The following DLGAP2 variants were observed in gnomAD, a reference collection of about 807,000 sequenced individuals.
DLGAP2 encodes the protein DLG associated protein 2.
Under a neutral mutation model 100.3 loss-of-function variants are expected in DLGAP2, and 26 were observed. The observed-to-expected ratio is 0.26, with a 90% CI of 0.19 to 0.36. The LOEUF is 0.36. Among genes scored for constraint, DLGAP2 ranks in the 10% least tolerant of loss-of-function variants. The pLI is 1.00. For missense variants in DLGAP2, 1,858 were observed against 1,453.2 expected, an observed-to-expected ratio of 1.28 and a Z score of -4.53; for synonymous variants, 886 against 630.1, an observed-to-expected ratio of 1.41 and a Z score of -6.08.
At position 1,340,001 on chromosome 8, in the gene DLGAP2, G is replaced by C. The variant is rs751816483; in HGVS notation, c.106+81118G>C. Among the ~76,000 whole-genome samples, 20 of 152,150 alleles carry C rather than the reference G, an allele frequency of 1.3e-4. 1 individual carries two copies. The highest frequency in any genetic ancestry group is 4.2e-4 in the South Asian group (2 of 4,818). ...ATTCAAATACCTTATGTTTAGAAAG[G>C]GTTCCTTATTCAATCCATGGTACTG... is the stretch of plus-strand genomic sequence containing the variant. On this transcript the variant is annotated intron_variant, in intron 3 of 14. Transcript: ENST00000637795.
intron 1 of DLGAP2, among the ~76,000 whole-genome samples, chr8:793,659 A>G (rs1795966412): frequency 1.3e-5 from 2 of 152,196 alleles, no homozygotes; most frequent in South Asian, 4.1e-4. Context: ...GAATTTGTCT[A>G]ATCTTTGCAT....
chr8:1,653,404 C>T (rs894665159), intron 8 of DLGAP2, among the ~76,000 whole-genome samples: 1 of 152,202 alleles, frequency 6.6e-6, no homozygotes, highest in African/African-American at 2.4e-5. Flanking sequence ...GCCCGGGTAT[C>T]CCGTGGCCAT....
chr8:1,573,665 G>C (rs1178017801), intron 6 of DLGAP2, among the ~76,000 whole-genome samples: 1 of 152,136 alleles, frequency 6.6e-6, no homozygotes, highest in Non-Finnish European at 1.5e-5. Flanking sequence ...ACTAACACCA[G>C]AGAATGGAGC....
intron 13 of DLGAP2, among the ~76,000 whole-genome samples, chr8:1,696,873 G>C (rs1364248174): frequency 6.6e-6 from 1 of 152,216 alleles, no homozygotes; most frequent in Admixed American, 6.5e-5. Context: ...GAGCTGTGAA[G>C]CATTTAGAAA....
chr8:1,550,290 A>G (rs1056946757), intron 5 of DLGAP2, among the ~76,000 whole-genome samples: 1 of 152,124 alleles, frequency 6.6e-6, no homozygotes, highest in Non-Finnish European at 1.5e-5. Context: ...ACGGCACGCT[A>G]TGGCTTTGTG....
At chr8:1,289,722 G>C (rs1228673286) in intron 3 of DLGAP2, among the ~76,000 whole-genome samples, 1 of 152,148 alleles carries the variant, frequency 6.6e-6, no homozygotes, top group Non-Finnish European at 1.5e-5. Flanking sequence ...CTAATGTTGT[G>C]AGACTGTGCA....
At position 881,395 on chromosome 8, in the gene DLGAP2, G is replaced by A. The variant is rs1797788239; in HGVS notation, c.19-26517G>A. Among the ~76,000 whole-genome samples the A allele has an allele frequency of 2.6e-5, 4 of 151,168 alleles. 1 individual carries two copies. The highest frequency in any genetic ancestry group is 2.6e-4 in the Admixed American group (4 of 15,160). ...AGATTCTTATTTCTCAGATTGTTCTGTTTTGGAAACAAAATTACAATGAGA... is the reference window on the plus strand; with the variant it reads ...AGATTCTTATTTCTCAGATTGTTCTATTTTGGAAACAAAATTACAATGAGA... On this transcript the variant is annotated intron_variant, in intron 1 of 14. Coordinates refer to ENST00000637795, the MANE Select transcript of DLGAP2 (RefSeq NM_001346810.2).
At chr8:1,097,749 G>C (rs1453646560) in intron 2 of DLGAP2, among the ~76,000 whole-genome samples, 1 of 135,988 alleles carries the variant, frequency 7.4e-6, no homozygotes, top group Non-Finnish European at 1.6e-5. Flanking sequence ...TGGGAGCCTA[G>C]GGCAGGCCTT....
Position 1,141,419 on chromosome 8 carries a change from G to A in DLGAP2, c.74-117432G>A, listed in dbSNP as rs1033630569. Among the ~76,000 whole-genome samples, 48 of 151,972 alleles carry A rather than the reference G, an allele frequency of 3.2e-4. 1 individual carries two copies. Among genetic ancestry groups the A allele is most frequent in the African/African-American group, 1.1e-3 (45 of 41,360 alleles). On this transcript the variant is annotated intron_variant, in intron 2 of 14. Coordinates refer to ENST00000637795, the MANE Select transcript of DLGAP2 (RefSeq NM_001346810.2). The stretch of plus-strand genomic sequence containing the variant: ...CATTATTTTATGCTTAAAAACTCAC[G>A]GGCACGTGAATCAGAACTCTTGAAT...
intron 2 of DLGAP2, among the ~76,000 whole-genome samples, chr8:1,021,516 A>C (rs1006318111): frequency 2.6e-5 from 4 of 152,182 alleles, no homozygotes; most frequent in African/African-American, 9.6e-5. Flanking sequence ...GATTTCCCCT[A>C]ATTATAGATC....
intron 3 of DLGAP2, among the ~76,000 whole-genome samples, chr8:1,377,646 T>A (rs1361371074): frequency 1.3e-5 from 2 of 152,232 alleles, no homozygotes; most frequent in Non-Finnish European, 2.9e-5. Flanking sequence ...GAACCCAGTG[T>A]GCCCTGAGGG....
intron 3 of DLGAP2, among the ~76,000 whole-genome samples, chr8:1,348,713 G>GTGC (rs1369861550): frequency 6.6e-6 from 1 of 152,200 alleles, no homozygotes; most frequent in Non-Finnish European, 1.5e-5. Flanking sequence ...CATGGCCGCT[G>GTGC]TGCGGAGGTT....
chr8:1,309,408 T>A (rs937342431), intron 3 of DLGAP2, among the ~76,000 whole-genome samples: 2 of 152,126 alleles, frequency 1.3e-5, no homozygotes, highest in African/African-American at 2.4e-5. Flanking sequence ...AAAAAGCTTA[T>A]CTCTTGATTT....
At chr8:1,294,649 G>A (rs1258468157) in intron 3 of DLGAP2, among the ~76,000 whole-genome samples, 2 of 152,188 alleles carry the variant, frequency 1.3e-5, no homozygotes, top group Non-Finnish European at 2.9e-5. Flanking sequence ...GTTACCAAAT[G>A]TTTAAAATAT....
At chr8:827,865 T>C (rs914754141) in intron 1 of DLGAP2, among the ~76,000 whole-genome samples, 9 of 152,236 alleles carry the variant, frequency 5.9e-5, no homozygotes, top group African/African-American at 2.2e-4. Context: ...TTCCTAAGCG[T>C]CGGCTGGCTT....
chr8:1,682,076 A>G (rs1798965283), intron 12 of DLGAP2, among the ~76,000 whole-genome samples: 1 of 152,162 alleles, frequency 6.6e-6, no homozygotes, highest in South Asian at 2.1e-4. Flanking sequence ...GCCTGCTTCC[A>G]TGCTGGATGT....
chr8:1,480,644 G>T (rs1056007899), intron 3 of DLGAP2, among the ~76,000 whole-genome samples: 41 of 141,238 alleles, frequency 2.9e-4, no homozygotes, highest in African/African-American at 9.4e-4. Context: ...GAGGTCAGGA[G>T]TTCTAGACCA....
intron 2 of DLGAP2, among the ~76,000 whole-genome samples, chr8:1,023,655 C>T (rs1801692168): frequency 6.6e-6 from 1 of 152,084 alleles, no homozygotes; most frequent in Admixed American, 6.6e-5. Context: ...ACGTGTGGCT[C>T]AAATATCATT....
At chr8:984,932 C>T (rs1484770979) in intron 2 of DLGAP2, among the ~76,000 whole-genome samples, 1 of 152,170 alleles carries the variant, frequency 6.6e-6, no homozygotes, top group Non-Finnish European at 1.5e-5. Context: ...AGGCTCCTAA[C>T]CTCACCTCAA....
Sources: gnomAD v4.1 joint callset for allele counts (sites outside exome capture counted in the v4.1 genomes callset) on GRCh38, gnomAD v4.1.1 for gene constraint, MANE v1.5 for transcripts, NCBI Gene and HGNC (gene_info 2026-07-23, HGNC 2026-07-21) for gene names.